Variants in GRID1 observed in about 807,000 individuals in gnomAD.
GRID1 encodes the protein glutamate receptor ionotropic, delta-1.
Under a neutral mutation model 98.0 loss-of-function variants are expected in GRID1, and 28 were observed. The ratio of observed to expected loss-of-function variants is 0.29; its 90% CI spans 0.21 to 0.39. The LOEUF (loss-of-function observed/expected upper bound fraction) is 0.39, where lower values mean the gene tolerates loss of function less well. Among genes scored for constraint, GRID1 ranks in the 10% least tolerant of loss-of-function variants. The probability of loss-of-function intolerance (pLI) is 1.00; values close to 1 mark genes in which losing one functional copy is unlikely to be tolerated. For missense variants in GRID1, 1,111 were observed against 1,340.5 expected (o/e 0.83, Z 2.67); for synonymous variants, 553 against 538.5 (o/e 1.03, Z -0.37).
intron 2 of GRID1, among the ~76,000 whole-genome samples, chr10:86,275,011 T>C (rs1333102536): frequency 6.6e-6 from 1 of 152,254 alleles, no homozygotes; most frequent in African/African-American, 2.4e-5. Context: ...CTAGGCACAA[T>C]GCCAGCCTGG....
intron 4 of GRID1, among the ~76,000 whole-genome samples, chr10:85,917,744 A>C (rs1474724249): frequency 6.6e-6 from 1 of 152,264 alleles, no homozygotes; most frequent in East Asian, 1.9e-4. Flanking sequence ...AAGAGGCTGC[A>C]AGGGATGCTA....
chr10:85,829,147 G>A (rs1842845766), intron 8 of GRID1, among the ~76,000 whole-genome samples: 1 of 152,088 alleles, frequency 6.6e-6, no homozygotes, highest in South Asian at 2.1e-4. Context: ...TGCCAGGTTA[G>A]TTCAGCATAT....
chr10:86,204,875 G>A lies in GRID1; in HGVS notation c.520+1489C>T, dbSNP rs538432809. On this transcript the variant is annotated intron_variant, in intron 3 of 15. Transcript: ENST00000327946. ...TCAGAGCAGGCTGGACTTTGGGGTT[G>A]AGCCACCAGCCCCAAGGGTTCTCGG... Among the ~76,000 whole-genome samples, 9 of 152,146 alleles carry A rather than the reference G, an allele frequency of 5.9e-5. No homozygotes were observed. In the East Asian group the frequency reaches 1.2e-3, roughly 20 times the overall value.
At chr10:85,996,845 A>G (rs769371276) in intron 4 of GRID1, among the ~76,000 whole-genome samples, 28 of 150,350 alleles carry the variant, frequency 1.9e-4, no homozygotes, top group Non-Finnish European at 3.5e-4. Flanking sequence ...AAAAAAAAAG[A>G]AAGAAAGAAA....
chr10:85,828,441 A>T (rs1221785821), intron 8 of GRID1, among the ~76,000 whole-genome samples: 1 of 152,140 alleles, frequency 6.6e-6, no homozygotes, highest in Non-Finnish European at 1.5e-5. Context: ...AATAACCAAA[A>T]TCAGAGCTGC....
At chr10:86,207,952 G>T (rs994965629) in intron 2 of GRID1, among the ~76,000 whole-genome samples, 1 of 152,204 alleles carries the variant, frequency 6.6e-6, no homozygotes, top group East Asian at 1.9e-4. Flanking sequence ...TCAAAACACA[G>T]GCTGTGAATG....
intron 4 of GRID1, among the ~76,000 whole-genome samples, chr10:86,073,254 C>G (rs946872509): frequency 2.0e-5 from 3 of 152,222 alleles, no homozygotes; most frequent in African/African-American, 7.2e-5. Flanking sequence ...TTCTCTCCAA[C>G]AGAGCACCCC....
At chr10:86,107,190 C>G (rs539601476) in intron 4 of GRID1, among the ~76,000 whole-genome samples, 3 of 152,338 alleles carry the variant, frequency 2.0e-5, no homozygotes, top group Admixed American at 6.5e-5. Flanking sequence ...GGTGGCACCA[C>G]GGCACACCTG....
At chr10:86,137,496 C>A (rs1221968739) in intron 4 of GRID1, among the ~76,000 whole-genome samples, 1 of 152,072 alleles carries the variant, frequency 6.6e-6, no homozygotes, top group Non-Finnish European at 1.5e-5. Context: ...GGGAGGGGGC[C>A]AGCGATGAGA....
At chr10:86,023,766 G>C (rs550057536) in intron 4 of GRID1, among the ~76,000 whole-genome samples, 1 of 151,964 alleles carries the variant, frequency 6.6e-6, no homozygotes, top group African/African-American at 2.4e-5. Context: ...CCCAGACTCC[G>C]CCTTATATCT....
chr10:85,848,693 A>T (rs746059376), intron 8 of GRID1, among the ~76,000 whole-genome samples: 1 of 152,186 alleles, frequency 6.6e-6, no homozygotes, highest in African/African-American at 2.4e-5. Context: ...CTTTTCATTT[A>T]TCTGTGTTTC....
chr10:85,703,769 A>T (rs1409346795), intron 12 of GRID1, among the ~76,000 whole-genome samples: 6 of 152,140 alleles, frequency 3.9e-5, no homozygotes, highest in African/African-American at 1.4e-4. Flanking sequence ...ACATGAGAAA[A>T]ATAAAATCAT....
At chr10:86,050,176 T>C (rs1843481806) in intron 4 of GRID1, among the ~76,000 whole-genome samples, 1 of 152,222 alleles carries the variant, frequency 6.6e-6, no homozygotes, top group Non-Finnish European at 1.5e-5. Flanking sequence ...AGGGCGTCAG[T>C]AACACTTTAT....
chr10:85,730,935 T>C (rs945415379), intron 8 of GRID1, among the ~76,000 whole-genome samples: 1 of 152,198 alleles, frequency 6.6e-6, no homozygotes. Context: ...ACAGGCAGTA[T>C]ATACTGTTGT....
At chr10:85,841,323 A>G (rs929703213) in intron 8 of GRID1, among the ~76,000 whole-genome samples, 2 of 152,180 alleles carry the variant, frequency 1.3e-5, no homozygotes, top group Admixed American at 6.5e-5. Context: ...CACCATACAC[A>G]AAAATTAACT....
intron 8 of GRID1, among the ~76,000 whole-genome samples, chr10:85,754,667 C>T (rs1842079005): frequency 1.3e-5 from 2 of 152,094 alleles, no homozygotes; most frequent in African/African-American, 4.8e-5. Flanking sequence ...CTCTTTTCCC[C>T]AAAAACTTCT....
chr10:86,288,743 TG>T (rs1309966680), intron 2 of GRID1, among the ~76,000 whole-genome samples: 1 of 152,180 alleles, frequency 6.6e-6, no homozygotes, highest in Non-Finnish European at 1.5e-5. Context: ...AATCTGACAG[TG>T]GGTGGCCGTC....
chr10:86,291,507 C>T (rs1330073255), intron 2 of GRID1, among the ~76,000 whole-genome samples: 1 of 152,124 alleles, frequency 6.6e-6, no homozygotes, highest in Non-Finnish European at 1.5e-5. Flanking sequence ...CTGCCTCAGC[C>T]CAGGGGCACA....
At chr10:85,836,014 T>C (rs1842909012) in intron 8 of GRID1, among the ~76,000 whole-genome samples, 1 of 152,014 alleles carries the variant, frequency 6.6e-6, no homozygotes, top group South Asian at 2.1e-4. Flanking sequence ...ACATATTAAA[T>C]TATGTAAAAT....
Sources: gnomAD v4.1 joint callset for allele counts (sites outside exome capture counted in the v4.1 genomes callset) on GRCh38, gnomAD v4.1.1 for gene constraint, MANE v1.5 for transcripts, NCBI Gene and HGNC (gene_info 2026-07-23, HGNC 2026-07-21) for gene names.